The following PPP1R37 variants were observed in gnomAD, a reference collection of about 807,000 sequenced individuals.
PPP1R37 encodes protein phosphatase 1 regulatory subunit 37, also known as leucine rich repeat containing 68.
A neutral mutation model predicts 61.0 loss-of-function variants in PPP1R37; 21 were observed. That is an observed-to-expected ratio of 0.34 (90% confidence interval 0.24 to 0.50). PPP1R37 has a LOEUF of 0.50. PPP1R37 is among the 20% of genes least tolerant of loss of function. The pLI is 0.98. For missense variants in PPP1R37, 910 were observed against 952.7 expected, an observed-to-expected ratio of 0.96 and a Z score of 0.59; for synonymous variants, 443 against 433.5, an observed-to-expected ratio of 1.02 and a Z score of -0.27.
intron 1 of PPP1R37, among the ~76,000 whole-genome samples, chr19:45,111,859 T>G (rs539238848): frequency 6.6e-6 from 1 of 152,110 alleles, no homozygotes; most frequent in Non-Finnish European, 1.5e-5. Flanking sequence ...TTTTAAAAGT[T>G]TTATCAACCA....
intron 1 of PPP1R37, among the ~76,000 whole-genome samples, chr19:45,102,857 A>G (rs1338643750): frequency 6.6e-6 from 1 of 152,184 alleles, no homozygotes; most frequent in African/African-American, 2.4e-5. Context: ...CATAGCCGCC[A>G]CAGCACCTCC....
intron 1 of PPP1R37, among the ~76,000 whole-genome samples, chr19:45,101,231 G>C (rs1968058694): frequency 6.6e-6 from 1 of 152,214 alleles, no homozygotes; most frequent in Non-Finnish European, 1.5e-5. Context: ...AGTAAGCCAG[G>C]TGAGGAGCAG....
intron 1 of PPP1R37, among the ~76,000 whole-genome samples, chr19:45,114,827 C>T (rs1212045718): frequency 6.6e-6 from 1 of 151,340 alleles, no homozygotes; most frequent in Non-Finnish European, 1.5e-5. Flanking sequence ...GGTGCATTCA[C>T]ATCACAAGGC....
At chr19:45,127,310 C>T (rs1433775497) in intron 1 of PPP1R37, among the ~76,000 whole-genome samples, 1 of 139,426 alleles carries the variant, frequency 7.2e-6, no homozygotes, top group African/African-American at 2.7e-5. Flanking sequence ...TGAGATCATG[C>T]TATTACACTC....
chr19:45,095,955 C>T (rs575180058), intron 1 of PPP1R37, among the ~76,000 whole-genome samples: 2 of 152,146 alleles, frequency 1.3e-5, no homozygotes, highest in South Asian at 4.1e-4. Flanking sequence ...GCAGAGGCTC[C>T]AGGTCAGATC....
At chr19:45,101,574 C>T (rs1241178539) in intron 1 of PPP1R37, among the ~76,000 whole-genome samples, 8 of 152,284 alleles carry the variant, frequency 5.3e-5, no homozygotes, top group East Asian at 3.9e-4. Context: ...AAAAATCAGC[C>T]GGGCATGGTG....
intron 7 of PPP1R37, 98 bp from the exon 8 acceptor site, chr19:45,143,423 T>C: frequency 2.9e-6 from 2 of 682,800 alleles, no homozygotes; most frequent in Non-Finnish European, 2.5e-6. Context: ...GGGGCCTCCA[T>C]GGAGGTCCTA....
chr19:45,124,323 C>T (rs948755308), intron 1 of PPP1R37, among the ~76,000 whole-genome samples: 9 of 152,172 alleles, frequency 5.9e-5, no homozygotes, highest in Admixed American at 1.3e-4. Flanking sequence ...TGGGAAGCAC[C>T]GGGCCCTTCG....
intron 1 of PPP1R37, among the ~76,000 whole-genome samples, chr19:45,138,089 C>T (rs1173530365): frequency 2.0e-5 from 3 of 152,162 alleles, no homozygotes; most frequent in Non-Finnish European, 4.4e-5. Context: ...CACCACTTTA[C>T]TTCAGCCTGA....
intron 1 of PPP1R37, among the ~76,000 whole-genome samples, chr19:45,134,838 G>A (rs1390792241): frequency 2.0e-5 from 3 of 152,194 alleles, no homozygotes; most frequent in Admixed American, 6.5e-5. Context: ...GCCGGACCTG[G>A]TTCCAGACCC....
chr19:45,118,915 C>T (rs1347033322), intron 1 of PPP1R37, among the ~76,000 whole-genome samples: 4 of 151,874 alleles, frequency 2.6e-5, no homozygotes, highest in South Asian at 4.1e-4. Context: ...GCCCACCTGC[C>T]GCCTCTGGGT....
chr19:45,142,768 G>T (rs1266116580), intron 7 of PPP1R37: 3 of 363,762 alleles, frequency 8.2e-6, no homozygotes, highest in Non-Finnish European at 1.5e-5. Flanking sequence ...AAAGAAAGCA[G>T]TGTTGCTGCC....
chr19:45,135,750 T>A (rs1419956742), intron 1 of PPP1R37, among the ~76,000 whole-genome samples: 3 of 151,916 alleles, frequency 2.0e-5, no homozygotes, highest in Non-Finnish European at 2.9e-5. Context: ...CTTCTTATGC[T>A]TCTGATAGTT....
At chr19:45,134,735 T>C (rs1392184156) in intron 1 of PPP1R37, among the ~76,000 whole-genome samples, 2 of 152,082 alleles carry the variant, frequency 1.3e-5, no homozygotes, top group African/African-American at 4.8e-5. Flanking sequence ...AATTTTTGTA[T>C]TTTTAGTAGA....
In PPP1R37 at chr19:45,127,521, C is replaced by T. The variant is rs117990538; in HGVS notation, c.203-10993C>T. Among the ~76,000 whole-genome samples, 364 of 152,200 alleles carry T rather than the reference C, an allele frequency of 2.4e-3. 6 individuals are homozygous for T. Among genetic ancestry groups the T allele is most frequent in the Admixed American group, 0.016 (248 of 15,286 alleles). ...AGGTATTTGTGTATATGAACGTAGA[C>T]AAGGGACAGTAAAAATATAGTGGGA... On this transcript the variant is annotated intron_variant, in intron 1 of 12. Transcript: ENST00000221462.
At chr19:45,107,120 T>C (rs1968142384) in intron 1 of PPP1R37, among the ~76,000 whole-genome samples, 1 of 151,810 alleles carries the variant, frequency 6.6e-6, no homozygotes, top group African/African-American at 2.4e-5. Context: ...CCAGCTGATG[T>C]TGAGCATCTT....
At chr19:45,135,231 G>T (rs1258040650) in intron 1 of PPP1R37, among the ~76,000 whole-genome samples, 1 of 152,102 alleles carries the variant, frequency 6.6e-6, no homozygotes, top group Non-Finnish European at 1.5e-5. Context: ...CTGGGCGACA[G>T]AGTGAAACTC....
In PPP1R37 at chr19:45,093,487, C is replaced by T. The variant is rs2122699960; in HGVS notation, c.162C>T (p.Ile54=). Residue 54 remains isoleucine, a synonymous_variant, in exon 1 of 13, where the codon ATC becomes ATT. Transcript: ENST00000221462. The part of the protein sequence containing the change: ...KRVTFPSDED[I]VSGAVEPKDP... ...TCACATTCCCGTCCGACGAGGATATCGTGTCTGGAGCAGTGGAGCCCAAAG... is the reference window on the plus strand; with the variant it reads ...TCACATTCCCGTCCGACGAGGATATTGTGTCTGGAGCAGTGGAGCCCAAAG... 6.5e-7 allele frequency: 1 copy of T among 1,535,442 alleles called. No homozygotes were observed. Among genetic ancestry groups the T allele is most frequent in the East Asian group, 2.4e-5 (1 of 40,884 alleles).
intron 7 of PPP1R37, 77 bp downstream of exon 7, chr19:45,142,535 G>C (rs1250279868): frequency 7.0e-7 from 1 of 1,433,502 alleles, no homozygotes; most frequent in Non-Finnish European, 9.4e-7. Context: ...GGTGGTGCTG[G>C]GGACACAGAC....
Sources: gnomAD v4.1 joint callset for allele counts (sites outside exome capture counted in the v4.1 genomes callset) on GRCh38, gnomAD v4.1.1 for gene constraint, MANE v1.5 for transcripts, NCBI Gene and HGNC (gene_info 2026-07-23, HGNC 2026-07-21) for gene names.